ACOXL: variants seen among roughly 807,000 people sequenced by gnomAD.
ACOXL encodes acyl-coenzyme A oxidase-like protein.
A neutral mutation model predicts 71.9 loss-of-function variants in ACOXL; 70 were observed. That is an observed-to-expected ratio of 0.97 (90% CI 0.80 to 1.19). The LOEUF is 1.19. ACOXL is among the 50% of genes most tolerant of loss of function. The probability of loss-of-function intolerance (pLI) is 0.00; values close to 1 mark genes in which losing one functional copy is unlikely to be tolerated. For synonymous variants in ACOXL, 253 were observed against 281.6 expected, an observed-to-expected ratio of 0.90 and a Z score of 1.02; for missense variants, 703 against 736.3, an observed-to-expected ratio of 0.95 and a Z score of 0.52.
chr2:110,805,350 C>G lies in ACOXL; in HGVS notation c.708C>G (p.Thr236=). ...ARFNAMLAAL[T]PSRLAVAFQA... The stretch of plus-strand genomic sequence containing the variant: ...TCAATGCCATGCTGGCAGCACTGAC[C>G]CCTTCGAGATTAGCTGTGGCTTTCC... The change falls in exon 9 of 18, where the codon ACC becomes ACG. Residue 236 remains threonine, a synonymous_variant. Transcript: ENST00000439055. The G allele has an allele frequency of 6.2e-7, 1 of 1,614,220 alleles. No homozygotes were observed. Among genetic ancestry groups the G allele is most frequent in the African/African-American group, 1.3e-5 (1 of 75,054 alleles).
chr2:110,880,667 G>A (rs1476610592), intron 10 of ACOXL, among the ~76,000 whole-genome samples: 1 of 152,132 alleles, frequency 6.6e-6, no homozygotes, highest in East Asian at 1.9e-4. Flanking sequence ...GACTCTACTG[G>A]CCGAGCACAG....
intron 1 of ACOXL, among the ~76,000 whole-genome samples, chr2:110,734,744 A>C (rs1676624200): frequency 6.6e-6 from 1 of 152,098 alleles, no homozygotes; most frequent in Non-Finnish European, 1.5e-5. Flanking sequence ...CAAAATTGTA[A>C]TAACCAAACT....
chr2:110,906,735 G>A (rs916189659), intron 10 of ACOXL, among the ~76,000 whole-genome samples: 2 of 152,202 alleles, frequency 1.3e-5, no homozygotes, highest in Admixed American at 1.3e-4. Context: ...CATGCCCAAG[G>A]CTCTCTCTGC....
At chr2:111,024,787 C>T (rs2064942454) in intron 14 of ACOXL, among the ~76,000 whole-genome samples, 1 of 151,750 alleles carries the variant, frequency 6.6e-6, no homozygotes, top group Admixed American at 6.6e-5. Context: ...ACTGCCTGTT[C>T]TCATTGGCAA....
intron 12 of ACOXL, among the ~76,000 whole-genome samples, chr2:110,942,834 A>G: frequency 6.6e-6 from 1 of 151,352 alleles, no homozygotes. Context: ...CAGTGAGCCA[A>G]GATCATGCCA....
Position 111,032,163 on chromosome 2 carries a change from T to A in ACOXL, c.1369+449T>A, listed in dbSNP as rs1236256816. Among the ~76,000 whole-genome samples, 4 of 152,192 alleles carry A rather than the reference T, an allele frequency of 2.6e-5. No homozygotes were observed. In the East Asian group the frequency reaches 7.7e-4, roughly 29 times the overall value. The stretch of plus-strand genomic sequence containing the variant: ...AATTACTTAGACCTCATCATCAAAT[T>A]AGCAAGAAACTGGGTCAACCTTCTA... On this transcript the variant is annotated intron_variant, in intron 15 of 17. Transcript: ENST00000439055.
At chr2:111,037,467 A>C (rs1417266979) in intron 15 of ACOXL, among the ~76,000 whole-genome samples, 1 of 152,236 alleles carries the variant, frequency 6.6e-6, no homozygotes, top group Non-Finnish European at 1.5e-5. Context: ...GAGGACTCTC[A>C]AGAACAGAAG....
intron 16 of ACOXL, among the ~76,000 whole-genome samples, chr2:111,083,445 A>G (rs1159291406): frequency 1.3e-5 from 2 of 152,174 alleles, no homozygotes; most frequent in Non-Finnish European, 2.9e-5. Context: ...CAAACTTCCA[A>G]TTGTCCACTC....
At chr2:110,835,863 C>A (rs564382520) in intron 9 of ACOXL, among the ~76,000 whole-genome samples, 2 of 152,282 alleles carry the variant, frequency 1.3e-5, no homozygotes, top group African/African-American at 4.8e-5. Context: ...GCATTTCTCA[C>A]AAGTTCCCAG....
chr2:110,772,607 T>C (rs996768740), intron 2 of ACOXL, among the ~76,000 whole-genome samples: 2 of 152,290 alleles, frequency 1.3e-5, no homozygotes, highest in African/African-American at 2.4e-5. Context: ...CCTGACTCCT[T>C]CTTCCCCTCC....
At chr2:111,088,939 G>A (rs911446784) in intron 16 of ACOXL, among the ~76,000 whole-genome samples, 1 of 152,166 alleles carries the variant, frequency 6.6e-6, no homozygotes, top group Non-Finnish European at 1.5e-5. Flanking sequence ...GTAAGGATAA[G>A]TAAGGATTAA....
At chr2:111,066,107 C>T (rs1004868718) in intron 16 of ACOXL, among the ~76,000 whole-genome samples, 6 of 152,068 alleles carry the variant, frequency 3.9e-5, no homozygotes, top group African/African-American at 1.4e-4. Context: ...TTCAGAATAA[C>T]AAAAAATCTG....
intron 15 of ACOXL, 146 bp from the exon 16 acceptor site, chr2:111,049,072 G>A (rs1394355422): frequency 1.3e-5 from 9 of 667,304 alleles, no homozygotes; most frequent in Non-Finnish European, 1.8e-5. Flanking sequence ...CCATGCAGGG[G>A]ACAGTTGGGG....
At chr2:110,853,991 G>T (rs1226786247) in intron 10 of ACOXL, among the ~76,000 whole-genome samples, 2 of 151,178 alleles carry the variant, frequency 1.3e-5, no homozygotes, top group Non-Finnish European at 1.5e-5. Flanking sequence ...CTTCTTCCAT[G>T]GACTAAATGA....
chr2:110,973,897 T>C (rs962596757), intron 12 of ACOXL, among the ~76,000 whole-genome samples: 1 of 152,158 alleles, frequency 6.6e-6, no homozygotes, highest in Non-Finnish European at 1.5e-5. Context: ...CTTGGTCCCT[T>C]GGGGTGAGAG....
intron 3 of ACOXL, among the ~76,000 whole-genome samples, chr2:110,793,141 C>T (rs1002023867): frequency 1.3e-5 from 2 of 152,156 alleles, no homozygotes; most frequent in African/African-American, 4.8e-5. Context: ...ATCCTGCAGC[C>T]GGTGGGTAGC....
At chr2:110,790,666 AG>A (rs1684534457) in intron 3 of ACOXL, among the ~76,000 whole-genome samples, 1 of 152,114 alleles carries the variant, frequency 6.6e-6, no homozygotes, top group Non-Finnish European at 1.5e-5. Context: ...CTGTTCCCTG[AG>A]GTCTGCCAGG....
chr2:110,910,699 G>A (rs1185203136), intron 11 of ACOXL, among the ~76,000 whole-genome samples: 2 of 152,124 alleles, frequency 1.3e-5, no homozygotes, highest in African/African-American at 2.4e-5. Context: ...TCTGGTGGCT[G>A]TCGACATTGA....
chr2:111,007,269 A>G (rs1320449546), intron 14 of ACOXL, among the ~76,000 whole-genome samples: 1 of 152,190 alleles, frequency 6.6e-6, no homozygotes, highest in African/African-American at 2.4e-5. Context: ...TTTTTCCTCA[A>G]ACTTTCACCT....
Sources: allele counts gnomAD v4.1 joint callset (sites outside exome capture counted in the v4.1 genomes callset), GRCh38; gene constraint gnomAD v4.1.1; transcripts MANE v1.5; gene names NCBI Gene and HGNC (gene_info 2026-07-23, HGNC 2026-07-21).